Variants in CNGB1 observed in about 807,000 individuals in gnomAD.
The protein encoded by CNGB1 is cyclic nucleotide gated channel subunit beta 1, also known as cyclic nucleotide-gated channel beta-1.
Under a neutral mutation model 151.7 loss-of-function variants are expected in CNGB1, and 126 were observed. That is an observed-to-expected ratio of 0.83 (90% confidence interval 0.72 to 0.96). The LOEUF is 0.96. CNGB1 is among the 40% of genes least tolerant of loss of function. The pLI, the probability that CNGB1 is intolerant of heterozygous loss-of-function variation, is 0.00. For missense variants in CNGB1, 1,698 were observed against 1,627.0 expected (o/e 1.04, Z -0.75); for synonymous variants, 623 against 635.1 (o/e 0.98, Z 0.29).
At chr16:57,952,651 C>G (rs1202952609) in intron 12 of CNGB1, among the ~76,000 whole-genome samples, 1 of 151,830 alleles carries the variant, frequency 6.6e-6, no homozygotes, top group Non-Finnish European at 1.5e-5. Flanking sequence ...CAGGCATGCA[C>G]CACCACACCG....
chr16:57,923,213 C>G (rs1211736185), intron 18 of CNGB1, 60 bp downstream of exon 18: 1 of 1,302,266 alleles, frequency 7.7e-7, no homozygotes, highest in South Asian at 1.2e-5. Context: ...CACTAGCCCC[C>G]CCACATCCCC....
rs1959818798 is a variant in CNGB1, at chr16:57,883,709, A to G, written c.*455T>C. On this transcript the variant is annotated 3_prime_UTR_variant, in exon 33 of 33. Coordinates refer to ENST00000251102, the MANE Select transcript of CNGB1 (RefSeq NM_001297.5). The stretch of plus-strand genomic sequence containing the variant: ...ACTGGGATTATAGGCATGAGCCACC[A>G]TGCCCGGCAGTGAAGTATTTTCTAT... The G allele has an allele frequency of 4.6e-6, 1 of 215,320 alleles. No homozygotes were observed. Among genetic ancestry groups the G allele is most frequent in the South Asian group, 6.6e-5 (1 of 15,266 alleles). 13.3% of individuals were successfully genotyped at this position (215,320 alleles called of 1,614,324 possible). A position where few individuals can be genotyped will look rare whatever the true frequency, so the allele number is the denominator to read the frequency against.
At chr16:57,929,700 T>C (rs1427013950) in intron 17 of CNGB1, among the ~76,000 whole-genome samples, 1 of 152,076 alleles carries the variant, frequency 6.6e-6, no homozygotes, top group East Asian at 1.9e-4. Context: ...AGTGCCACAG[T>C]TTTAAACCAT....
chr16:57,952,574 C>T (rs1310889850), intron 12 of CNGB1, among the ~76,000 whole-genome samples: 1 of 127,784 alleles, frequency 7.8e-6, no homozygotes, highest in Non-Finnish European at 1.6e-5. Context: ...ATGATCTTGG[C>T]TCACTGCAAC....
chr16:57,887,749 G>A (rs1959970377), intron 32 of CNGB1, 106 bp downstream of exon 32: 1 of 1,077,322 alleles, frequency 9.3e-7, no homozygotes, highest in East Asian at 2.4e-5. Context: ...AAAAAGGAGG[G>A]GGAAGACCCT....
Position 57,967,157 on chromosome 16 carries a change from C to G in CNGB1, c.130G>C (p.Glu44Gln). The change falls in exon 2 of 33, where the codon GAG (glutamate) becomes CAG (glutamine). Residue 44 changes from glutamate to glutamine, a missense_variant. Coordinates refer to ENST00000251102, the MANE Select transcript of CNGB1 (RefSeq NM_001297.5). ...EAEVEPEPNPEEAETESESMP... is the reference protein window; with the variant it reads ...EAEVEPEPNPQEAETESESMP... ...GACTCGGACTCTGTCTCGGCCTCCT[C>G]AGGATTCGGTTCTGGTTCCACCTCC... 1 of 1,614,222 alleles carries G rather than the reference C, an allele frequency of 6.2e-7. No homozygotes were observed. The highest frequency in any genetic ancestry group is 1.7e-5 in the Admixed American group (1 of 60,026).
intron 31 of CNGB1, among the ~76,000 whole-genome samples, chr16:57,895,454 TAATC>T (rs1162299418): frequency 6.6e-6 from 1 of 151,706 alleles, no homozygotes; most frequent in Admixed American, 6.6e-5. Context: ...GTTTTATAGA[TAATC>T]AGTAGAATAG....
intron 19 of CNGB1, among the ~76,000 whole-genome samples, chr16:57,919,956 C>A (rs988386131): frequency 9.9e-5 from 15 of 152,158 alleles, no homozygotes; most frequent in Admixed American, 9.8e-4. Flanking sequence ...CCTCCTGATA[C>A]CTTGAAAGAA....
intron 23 of CNGB1, 146 bp from the exon 24 acceptor site, chr16:57,913,140 C>T: frequency 1.4e-6 from 1 of 698,550 alleles, no homozygotes; most frequent in Non-Finnish European, 2.6e-6. Flanking sequence ...AAGTCCTCAG[C>T]CCCTTGACGG....
intron 18 of CNGB1, among the ~76,000 whole-genome samples, chr16:57,922,688 C>T (rs2149367632): frequency 6.6e-6 from 1 of 152,102 alleles, no homozygotes; most frequent in Admixed American, 6.5e-5. Flanking sequence ...CTCAGCCTTC[C>T]AAAGTGCTGG....
intron 32 of CNGB1, among the ~76,000 whole-genome samples, chr16:57,885,850 T>C (rs1452233788): frequency 1.3e-5 from 2 of 152,040 alleles, no homozygotes; most frequent in African/African-American, 4.8e-5. Flanking sequence ...CACCTTGGCC[T>C]CCCAAAGTGC....
rs551789262 is a variant in CNGB1 at position 57,920,335 on chromosome 16, G to A, written c.1801+52C>T. On this transcript the variant is annotated intron_variant, in intron 19 of 32. Transcript: ENST00000251102. Reference sequence around the variant, plus strand: ...TGCCATGAGTTGACAGGGAACTTTGGAGGCCCCACCCCATCCCCATCCAGG... The same window carrying A: ...TGCCATGAGTTGACAGGGAACTTTGAAGGCCCCACCCCATCCCCATCCAGG... 59 of 1,607,386 alleles carry A rather than the reference G, an allele frequency of 3.7e-5. No homozygotes were observed. The East Asian group carries it at 1.2e-3, about 33-fold the overall frequency.
intron 12 of CNGB1, among the ~76,000 whole-genome samples, chr16:57,953,507 A>G (rs1189363432): frequency 1.1e-4 from 16 of 151,302 alleles, no homozygotes; most frequent in Non-Finnish European, 1.8e-4. Flanking sequence ...AAAAAAAAAA[A>G]AAAAAGAAAG....
At position 57,962,963 on chromosome 16, in the gene CNGB1, C is replaced by CTACAGCCT; in HGVS notation, c.381+10_381+11insAGGCTGTA. The CTACAGCCT allele has an allele frequency of 6.2e-7, 1 of 1,613,138 alleles. No homozygotes were observed. The highest frequency in any genetic ancestry group is 8.5e-7 in the Non-Finnish European group (1 of 1,180,008). Reference sequence around the variant, plus strand: ...CAACCCGGCCCCTTCAGCCTCCAGCCCCAGCAGTACCTGAGCCGGGTCCTC... The same window carrying CTACAGCCT: ...CAACCCGGCCCCTTCAGCCTCCAGCCTACAGCCTCCAGCAGTACCTGAGCCGGGTCCTC... On this transcript the variant is annotated intron_variant, in intron 5 of 32. Transcript: ENST00000251102.
chr16:57,931,247 G>A (rs1293857117), intron 17 of CNGB1, among the ~76,000 whole-genome samples: 1 of 151,790 alleles, frequency 6.6e-6, no homozygotes, highest in African/African-American at 2.4e-5. Context: ...CCACATCCCA[G>A]GCTCAAGCAA....
rs1314406887 is a variant in CNGB1 at position 57,884,057 on chromosome 16, A to G, written c.*107T>C. ...ACTGAGGTCACGACTACGGAAAAGC[A>G]TCTTCTCTTGAGCCGTGGGGGAAGG... On this transcript the variant is annotated 3_prime_UTR_variant, in exon 33 of 33. Transcript: ENST00000251102. The G allele has an allele frequency of 6.5e-7, 1 of 1,528,216 alleles. No individual in the cohort carries two copies. Among genetic ancestry groups the G allele is most frequent in the Non-Finnish European group, 9.1e-7 (1 of 1,103,634 alleles). The allele number at this position is 1,528,216 out of a possible 1,614,324, so 94.7% of individuals were successfully genotyped here.
intron 12 of CNGB1, among the ~76,000 whole-genome samples, chr16:57,955,936 G>A (rs575439516): frequency 9.6e-4 from 146 of 152,268 alleles, no homozygotes; most frequent in African/African-American, 3.3e-3. Flanking sequence ...GTTCTAAGCC[G>A]CCCAGTGTGC....
At chr16:57,894,158 C>G (rs1390025931) in intron 31 of CNGB1, among the ~76,000 whole-genome samples, 1 of 152,182 alleles carries the variant, frequency 6.6e-6, no homozygotes, top group Non-Finnish European at 1.5e-5. Flanking sequence ...TGTCCATTTA[C>G]AGGAATGTTC....
chr16:57,916,178 G>A lies in CNGB1; in HGVS notation c.2168C>T (p.Thr723Met), dbSNP rs768853177. 1.3e-5 allele frequency: 21 copies of A among 1,613,366 alleles called. No homozygotes were observed. The East Asian group carries it at 1.8e-4, about 14-fold the overall frequency. Residue 723 changes from threonine to methionine, a missense_variant and splice_region_variant, in exon 22 of 33, where the codon ACG becomes ATG. Physicochemically the swap from Thr to Met is moderately conservative, Grantham distance 81. Coordinates refer to ENST00000251102, the MANE Select transcript of CNGB1 (RefSeq NM_001297.5). ...GTTATTTCGCATGTCCTTTTTGTCC[G>A]TCTGAAAGAAAGGGAATGATGATGG... ...LQFVRGGDII[T>M]DKKDMRNNYL...
Sources: allele counts gnomAD v4.1 joint callset (sites outside exome capture counted in the v4.1 genomes callset), GRCh38; gene constraint gnomAD v4.1.1; transcripts MANE v1.5; gene names NCBI Gene and HGNC (gene_info 2026-07-23, HGNC 2026-07-21).